The following SPART variants were observed in gnomAD, a reference collection of about 807,000 sequenced individuals.
SPART encodes spartin.
A neutral mutation model predicts 58.7 loss-of-function variants in SPART; 35 were observed. The ratio of observed to expected loss-of-function variants is 0.60; its 90% CI spans 0.46 to 0.79. The LOEUF is 0.79. SPART is among the 30% of genes least tolerant of loss of function. The probability of loss-of-function intolerance (pLI) is 0.00; values close to 1 mark genes in which losing one functional copy is unlikely to be tolerated. For missense variants in SPART, 730 were observed against 786.1 expected, an observed-to-expected ratio of 0.93 and a Z score of 0.85; for synonymous variants, 284 against 280.7, an observed-to-expected ratio of 1.01 and a Z score of -0.12.
upstream of SPART, among the ~76,000 whole-genome samples, chr13:36,348,311 G>A (rs538866523): frequency 6.6e-6 from 1 of 152,156 alleles, no homozygotes; most frequent in Non-Finnish European, 1.5e-5. Context: ...AAAAAGAAAG[G>A]AAATCTTTTA....
chr13:36,364,354 C>G (rs2137729014), intron 1 of SPART, among the ~76,000 whole-genome samples: 1 of 152,252 alleles, frequency 6.6e-6, no homozygotes, highest in South Asian at 2.1e-4. Context: ...TAAATAATCT[C>G]CATTTGAGGG....
chr13:36,335,641 A>G lies in SPART; in HGVS notation c.190T>C (p.Ser64Pro). ...LRGISISSKE[S>P]EHTGPGWESA... is the part of the protein sequence containing the mutation. Reference sequence around the variant, plus strand: ...TCCCACCCAGGACCTGTGTGTTCAGACTCTTTTGATGAAATGCTGATCCCT... The same window carrying G: ...TCCCACCCAGGACCTGTGTGTTCAGGCTCTTTTGATGAAATGCTGATCCCT... The change falls in exon 2 of 9, where the codon TCT (serine) becomes CCT (proline). Residue 64 changes from serine (S) to proline (P), a missense_variant. Coordinates refer to ENST00000438666, the MANE Select transcript of SPART (RefSeq NM_015087.5). The G allele has an allele frequency of 6.2e-7, 1 of 1,613,448 alleles. No homozygotes were observed. Among genetic ancestry groups the G allele is most frequent in the Non-Finnish European group, 8.5e-7 (1 of 1,179,848 alleles).
chr13:36,324,282 T>C (rs558589797), intron 5 of SPART, among the ~76,000 whole-genome samples: 1 of 152,292 alleles, frequency 6.6e-6, no homozygotes, highest in East Asian at 1.9e-4. Context: ...GCAGCTTCTG[T>C]CTGTTTGCTG....
intron 5 of SPART, among the ~76,000 whole-genome samples, chr13:36,318,480 C>A (rs148774487): frequency 0.23 from 35,322 of 152,034 alleles, 4,578 homozygotes; most frequent in South Asian, 0.35. Flanking sequence ...ATTTTATTAC[C>A]CAATCTGCTC....
intron 8 of SPART, among the ~76,000 whole-genome samples, chr13:36,309,216 C>A (rs1304828274): frequency 1.3e-5 from 2 of 150,348 alleles, no homozygotes; most frequent in East Asian, 3.9e-4. Flanking sequence ...TGCACTCCAG[C>A]CTGGGTGACA....
At chr13:36,304,729 C>T (rs1276262939) in intron 8 of SPART, 97 bp from the exon 9 acceptor site, 3 of 1,292,408 alleles carry the variant, frequency 2.3e-6, no homozygotes, top group South Asian at 2.8e-5. Flanking sequence ...TACTGTGTTA[C>T]CCCTGAAAGC....
intron 1 of SPART, among the ~76,000 whole-genome samples, chr13:36,362,395 G>C (rs907498639): frequency 1.8e-4 from 27 of 150,382 alleles, no homozygotes; most frequent in Non-Finnish European, 3.5e-4. Flanking sequence ...AAGAAACAGA[G>C]GCTCAGGAGG....
chr13:36,321,022 T>G (rs1200132486), intron 5 of SPART, among the ~76,000 whole-genome samples: 1 of 152,128 alleles, frequency 6.6e-6, no homozygotes, highest in African/African-American at 2.4e-5. Flanking sequence ...GACTGGACAA[T>G]ACTTTTACCA....
At chr13:36,364,360 G>T (rs1463894244) in intron 1 of SPART, among the ~76,000 whole-genome samples, 2 of 152,034 alleles carry the variant, frequency 1.3e-5, no homozygotes, top group Non-Finnish European at 2.9e-5. Flanking sequence ...ATCTCCATTT[G>T]AGGGATTAAC....
chr13:36,313,534 T>G (rs1455183792), intron 6 of SPART, among the ~76,000 whole-genome samples: 1 of 152,254 alleles, frequency 6.6e-6, no homozygotes, highest in East Asian at 1.9e-4. Context: ...CTTCCAGTCC[T>G]GCAAGTGACA....
Position 36,346,213 on chromosome 13 carries a change from C to T in SPART, c.-3+12G>A, listed in dbSNP as rs1384187889. 2.0e-5 allele frequency: 3 copies of T among 151,208 alleles called. No individual in the cohort carries two copies. The highest frequency in any genetic ancestry group is 6.6e-5 in the Admixed American group (1 of 15,234). 9.4% of individuals were successfully genotyped at this position (151,208 alleles called of 1,614,324 possible). A position where few individuals can be genotyped will look rare whatever the true frequency, so the allele number is the denominator to read the frequency against. The stretch of plus-strand genomic sequence containing the variant: ...AAGGGACCGCGCAGGGGTGAACTCC[C>T]CCGCGCCCCACCTGCGCCTTCCAGA... On this transcript the variant is annotated intron_variant, in intron 1 of 8. Transcript: ENST00000438666.
chr13:36,314,706 T>C (rs1881499555), intron 5 of SPART, among the ~76,000 whole-genome samples: 1 of 152,258 alleles, frequency 6.6e-6, no homozygotes, highest in South Asian at 2.1e-4. Flanking sequence ...AGTATCTCTA[T>C]ATGTTACTTA....
rs1593227853 is a variant in SPART, at chr13:36,314,389, C to A, written c.1321G>T (p.Gly441Cys). ...ATTGCCTTACCAGTAATCTCAGCAC[C>A]TTTGACTAAACCCCAACTCACCCAG... ...ASWVSWGLVK[G>C]AEITGKAIQK... The change falls in exon 6 of 9, where the codon GGT becomes TGT. Residue 441 changes from glycine (G) to cysteine (C), a missense_variant. Coordinates refer to ENST00000438666, the MANE Select transcript of SPART (RefSeq NM_015087.5). 6.2e-7 allele frequency: 1 copy of A among 1,614,064 alleles called. No homozygotes were observed. The highest frequency in any genetic ancestry group is 8.5e-7 in the Non-Finnish European group (1 of 1,180,000).
intron 1 of SPART, among the ~76,000 whole-genome samples, chr13:36,341,024 T>G (rs1884528287): frequency 6.6e-6 from 1 of 152,172 alleles, no homozygotes; most frequent in African/African-American, 2.4e-5. Flanking sequence ...CGACAAAGGA[T>G]GAAAGAGATA....
At chr13:36,330,514 G>GT (rs1223516721) in intron 3 of SPART, among the ~76,000 whole-genome samples, 1 of 152,026 alleles carries the variant, frequency 6.6e-6, no homozygotes, top group African/African-American at 2.4e-5. Context: ...ACTTAACACA[G>GT]TAACTGGTTA....
rs926763770 is a variant in SPART at position 36,368,039 on chromosome 13, C to T, written c.-3+2050G>A. Among the ~76,000 whole-genome samples, 17 of 152,248 alleles carry T rather than the reference C, an allele frequency of 1.1e-4. 1 individual carries two copies. Among genetic ancestry groups the T allele is most frequent in the South Asian group, 8.3e-4 (4 of 4,830 alleles). On this transcript the variant is annotated intron_variant, in intron 1 of 8. Coordinates refer to the SPART transcript ENST00000355182. ...ATAATCAAAAAAAGGATTCAATATA[C>T]GTACATTAATATTAGTAAACCTTTG...
chr13:36,304,357 G>A lies in SPART; in HGVS notation c.*8C>T, dbSNP rs372897325. On this transcript the variant is annotated 3_prime_UTR_variant, in exon 9 of 9. Coordinates refer to ENST00000438666, the MANE Select transcript of SPART (RefSeq NM_015087.5). Reference sequence around the variant, plus strand: ...AAGGCTTTGGTATAAGTGATTCCCAGCACTTCATCATTTATCTTTCTTCTT... The same window carrying A: ...AAGGCTTTGGTATAAGTGATTCCCAACACTTCATCATTTATCTTTCTTCTT... 19 of 1,613,924 alleles carry A rather than the reference G, an allele frequency of 1.2e-5. No individual in the cohort carries two copies. Among genetic ancestry groups the A allele is most frequent in the Non-Finnish European group, 1.6e-5 (19 of 1,179,876 alleles).
At chr13:36,316,541 CA>C (rs34473957) in intron 5 of SPART, among the ~76,000 whole-genome samples, 1 of 152,116 alleles carries the variant, frequency 6.6e-6, no homozygotes, top group South Asian at 2.1e-4. Context: ...CATCCTGGCT[CA>C]AAAAGCACCC....
In SPART at chr13:36,366,457, C is replaced by A. The variant is rs556187460; in HGVS notation, c.-3+3632G>T. ...CTTTATATTTCTCTCCCTATTTCAA[C>A]TTCCTGCCTCCATAGAAACAGTTTT... On this transcript the variant is annotated intron_variant, in intron 1 of 8. Coordinates refer to the SPART transcript ENST00000355182. Among the ~76,000 whole-genome samples, 4 of 152,324 alleles carry A rather than the reference C, an allele frequency of 2.6e-5. No homozygotes were observed. The South Asian group carries it at 8.3e-4, about 32-fold the overall frequency.
Sources: allele counts gnomAD v4.1 joint callset (sites outside exome capture counted in the v4.1 genomes callset), GRCh38; gene constraint gnomAD v4.1.1; transcripts MANE v1.5; gene names NCBI Gene and HGNC (gene_info 2026-07-23, HGNC 2026-07-21).